Variants in COX7B2 observed in about 807,000 individuals in gnomAD.
The protein encoded by COX7B2 is cytochrome c oxidase subunit 7B2.
For synonymous variants in COX7B2, 37 were observed against 32.1 expected, an observed-to-expected ratio of 1.15 and a Z score of -0.51; for missense variants, 109 against 95.9, an observed-to-expected ratio of 1.14 and a Z score of -0.57.
intron 2 of COX7B2, among the ~76,000 whole-genome samples, chr4:46,763,560 A>C (rs1230736911): frequency 6.6e-6 from 1 of 152,012 alleles, no homozygotes. Context: ...TTTATAATTC[A>C]GCCAAATTTA....
At chr4:46,800,498 T>C (rs969658171) in intron 2 of COX7B2, among the ~76,000 whole-genome samples, 7 of 151,948 alleles carry the variant, frequency 4.6e-5, no homozygotes, top group Non-Finnish European at 1.0e-4. Flanking sequence ...TAAAAAACAA[T>C]GCAGAAAGGG....
chr4:46,750,820 G>T (rs918887118), intron 2 of COX7B2, among the ~76,000 whole-genome samples: 1 of 152,104 alleles, frequency 6.6e-6, no homozygotes, highest in Non-Finnish European at 1.5e-5. Flanking sequence ...TCAAATAGTG[G>T]AAAGAAAGCT....
intron 2 of COX7B2, among the ~76,000 whole-genome samples, chr4:46,797,113 A>T (rs1305527308): frequency 7.8e-6 from 1 of 127,554 alleles, no homozygotes; most frequent in African/African-American, 3.5e-5. Flanking sequence ...AAAAAAAAAA[A>T]AAAAAAAAAA....
chr4:46,790,284 TG>T (rs915838701), intron 2 of COX7B2, among the ~76,000 whole-genome samples: 1 of 152,236 alleles, frequency 6.6e-6, no homozygotes, highest in African/African-American at 2.4e-5. Context: ...ATTAACAGTT[TG>T]TATGCTAAAT....
chr4:46,900,611 C>T (rs1720024084), intron 1 of COX7B2, among the ~76,000 whole-genome samples: 1 of 151,998 alleles, frequency 6.6e-6, no homozygotes, highest in Non-Finnish European at 1.5e-5. Flanking sequence ...GTTTGTGTTC[C>T]CCCCAAAATT....
intron 2 of COX7B2, among the ~76,000 whole-genome samples, chr4:46,824,082 C>T (rs1011881278): frequency 1.4e-4 from 21 of 152,076 alleles, no homozygotes; most frequent in African/African-American, 4.8e-4. Context: ...AACCTTATAT[C>T]TATTAATGAA....
At chr4:46,828,757 G>T (rs563724211) in intron 2 of COX7B2, among the ~76,000 whole-genome samples, 2 of 151,988 alleles carry the variant, frequency 1.3e-5, no homozygotes, top group Non-Finnish European at 2.9e-5. Flanking sequence ...TCAATATATG[G>T]AGTAATATTA....
intron 1 of COX7B2, among the ~76,000 whole-genome samples, chr4:46,899,827 G>T (rs545834165): frequency 1.3e-5 from 2 of 152,220 alleles, no homozygotes; most frequent in African/African-American, 4.8e-5. Flanking sequence ...GCTATCATTT[G>T]TAGAGTACTT....
chr4:46,884,751 C>T (rs1718972684), intron 1 of COX7B2, among the ~76,000 whole-genome samples: 1 of 152,092 alleles, frequency 6.6e-6, no homozygotes, highest in Non-Finnish European at 1.5e-5. Flanking sequence ...TGAATGTTGT[C>T]CTTGTCTCCT....
intron 1 of COX7B2, among the ~76,000 whole-genome samples, chr4:46,894,900 T>C (rs972792481): frequency 6.6e-5 from 10 of 152,172 alleles, no homozygotes; most frequent in African/African-American, 2.4e-4. Context: ...TCAGTGATCA[T>C]TAGAGAAATG....
At chr4:46,843,119 T>A (rs1175537395) in intron 2 of COX7B2, among the ~76,000 whole-genome samples, 2 of 152,124 alleles carry the variant, frequency 1.3e-5, no homozygotes, top group Non-Finnish European at 2.9e-5. Flanking sequence ...TAGTATCTCA[T>A]TATGGTTTTG....
chr4:46,890,786 T>C (rs1295004585), intron 1 of COX7B2, among the ~76,000 whole-genome samples: 1 of 152,210 alleles, frequency 6.6e-6, no homozygotes, highest in East Asian at 1.9e-4. Flanking sequence ...TACAGTAGTC[T>C]GGGGACAGCT....
At chr4:46,875,303 T>G (rs1165897711) in intron 1 of COX7B2, among the ~76,000 whole-genome samples, 1 of 152,182 alleles carries the variant, frequency 6.6e-6, no homozygotes, top group Non-Finnish European at 1.5e-5. Context: ...TTCTTTCAAA[T>G]AGAAAAAGTA....
chr4:46,892,903 A>C (rs1315014624), intron 1 of COX7B2, among the ~76,000 whole-genome samples: 2 of 152,182 alleles, frequency 1.3e-5, no homozygotes, highest in Non-Finnish European at 1.5e-5. Context: ...TTCTCATGAT[A>C]GTAAGTTCTC....
At chr4:46,828,758 A>G (rs1224049601) in intron 2 of COX7B2, among the ~76,000 whole-genome samples, 1 of 152,154 alleles carries the variant, frequency 6.6e-6, no homozygotes, top group Non-Finnish European at 1.5e-5. Flanking sequence ...CAATATATGG[A>G]GTAATATTAT....
intron 2 of COX7B2, among the ~76,000 whole-genome samples, chr4:46,832,862 T>C (rs112241058): frequency 0.071 from 10,762 of 152,008 alleles, 438 homozygotes; most frequent in South Asian, 0.16. Context: ...CAGAAGCAGA[T>C]GCCAAAACTA....
intron 2 of COX7B2, among the ~76,000 whole-genome samples, chr4:46,833,174 G>A (rs1455311877): frequency 1.3e-5 from 2 of 152,052 alleles, no homozygotes; most frequent in South Asian, 2.1e-4. Flanking sequence ...CAGAGTGCTG[G>A]GATTACAGGT....
intron 1 of COX7B2, among the ~76,000 whole-genome samples, chr4:46,850,260 A>T (rs1716585306): frequency 6.7e-6 from 1 of 149,574 alleles, no homozygotes; most frequent in African/African-American, 2.6e-5. Context: ...TAAATGATTT[A>T]AAATGATTTA....
chr4:46,759,840 G>C (rs995591745), intron 2 of COX7B2, among the ~76,000 whole-genome samples: 12 of 148,828 alleles, frequency 8.1e-5, no homozygotes, highest in African/African-American at 3.0e-4. Flanking sequence ...TCTTATATAA[G>C]TTATATAAGT....
Sources: gnomAD v4.1 joint callset for allele counts (sites outside exome capture counted in the v4.1 genomes callset) on GRCh38, gnomAD v4.1.1 for gene constraint, MANE v1.5 for transcripts, NCBI Gene and HGNC (gene_info 2026-07-23, HGNC 2026-07-21) for gene names.